ITFG2: variants seen among roughly 807,000 people sequenced by gnomAD.
ITFG2 encodes KICSTOR complex protein ITFG2.
A neutral mutation model predicts 54.4 loss-of-function variants in ITFG2; 36 were observed. The observed-to-expected ratio is 0.66, with a 90% CI of 0.51 to 0.87. The LOEUF is 0.87. Ranked by LOEUF, ITFG2 falls within the 40% of genes least tolerant of loss-of-function variation. The probability of loss-of-function intolerance (pLI) is 0.00; values close to 1 mark genes in which losing one functional copy is unlikely to be tolerated. For missense variants in ITFG2, 524 were observed against 576.7 expected, an observed-to-expected ratio of 0.91 and a Z score of 0.94; for synonymous variants, 211 against 225.4, an observed-to-expected ratio of 0.94 and a Z score of 0.57.
At chr12:2,859,663 C>T (rs758750879) in exon 4 of ITFG2, 2 of 1,600,504 alleles carry the variant, frequency 1.2e-6, no homozygotes, top group African/African-American at 2.7e-5. Flanking sequence ...GCTAGCAGCA[C>T]CTGAAAGGGA....
chr12:2,840,470 G>A (rs1365097983), intron 1 of ITFG2, among the ~76,000 whole-genome samples: 2 of 141,848 alleles, frequency 1.4e-5, no homozygotes, highest in African/African-American at 2.8e-5. Flanking sequence ...AAAAAAAAAA[G>A]GATTTAATTT....
At chr12:2,856,275 G>T (rs1257174985) in intron 2 of ITFG2, among the ~76,000 whole-genome samples, 1 of 152,146 alleles carries the variant, frequency 6.6e-6, no homozygotes, top group East Asian at 1.9e-4. Context: ...TACCATGCTG[G>T]GTGAAATGAA....
rs1437044211 is a variant in ITFG2 at position 2,824,410 on chromosome 12, C to G, written c.*217C>G. The G allele has an allele frequency of 1.6e-6, 1 of 617,102 alleles. No individual in the cohort carries two copies. 38.2% of individuals were successfully genotyped at this position (617,102 alleles called of 1,614,324 possible). ...GACAAGTTGACCCTCTGCCCATTTCCTTATGGACCTCACCCATCATGCCAG... is the reference window on the plus strand; with the variant it reads ...GACAAGTTGACCCTCTGCCCATTTCGTTATGGACCTCACCCATCATGCCAG... On this transcript the variant is annotated 3_prime_UTR_variant, in exon 12 of 12. Transcript: ENST00000228799.
rs777319705 is a variant in ITFG2 at position 2,821,228 on chromosome 12, T to G, written c.696-34T>G. ...GGGCTGGAGAGCTCAGCTCACTTGG[T>G]CTCCCGCTTGATCCGTCCACCTGCT... On this transcript the variant is annotated intron_variant, in intron 6 of 11. Coordinates refer to ENST00000228799, the MANE Select transcript of ITFG2 (RefSeq NM_018463.4). 2.3e-5 allele frequency: 36 copies of G among 1,535,168 alleles called. No individual in the cohort carries two copies. In the Admixed American group the frequency reaches 6.6e-4, roughly 28 times the overall value.
intron 2 of ITFG2, among the ~76,000 whole-genome samples, chr12:2,853,785 A>G (rs1241126350): frequency 1.3e-5 from 2 of 151,982 alleles, no homozygotes; most frequent in African/African-American, 4.8e-5. Flanking sequence ...GTGAGTTCCC[A>G]GGGTGGCCGG....
chr12:2,843,132 T>G (rs2098045408), intron 2 of ITFG2, among the ~76,000 whole-genome samples: 1 of 152,248 alleles, frequency 6.6e-6, no homozygotes, highest in Non-Finnish European at 1.5e-5. Context: ...GAATATTCTT[T>G]ATAGAATGGG....
chr12:2,842,115 T>G (rs1290692961), intron 2 of ITFG2, among the ~76,000 whole-genome samples: 1 of 119,668 alleles, frequency 8.4e-6, no homozygotes, highest in Non-Finnish European at 1.6e-5. Context: ...TAATTTCACT[T>G]GTTTCTTTTT....
chr12:2,858,716 G>A (rs756946538), intron 3 of ITFG2: 61 of 1,614,106 alleles, frequency 3.8e-5, no homozygotes, highest in Non-Finnish European at 4.6e-5. Context: ...CAGGAAAGCT[G>A]ATGTCCAGCA....
At chr12:2,827,464 T>C (rs12814675), downstream of ITFG2, 44,533 of 985,382 alleles carry the variant, frequency 0.045, 1,412 homozygotes, top group East Asian at 0.29. The surrounding 1 kb of genome is among the most constrained non-coding windows in gnomAD (Gnocchi z 4.0). Context: ...CCCAGTTCTC[T>C]TGATTTTTCA....
Position 2,849,976 on chromosome 12 carries a change from A to G in ITFG2, n.301-8036A>G, listed in dbSNP as rs1342580848. On this transcript the variant is annotated intron_variant and non_coding_transcript_variant, in intron 2 of 3. Coordinates refer to the ITFG2 transcript ENST00000537710. ...TTTGTTTCTTTTAACACAGCTGAAT[A>G]GTGGCCAGTTTTCTATGACTCAGCG... is the stretch of plus-strand genomic sequence containing the variant. Among the ~76,000 whole-genome samples the G allele has an allele frequency of 2.6e-5, 4 of 152,184 alleles. No homozygotes were observed. The East Asian group carries it at 7.7e-4, about 29-fold the overall frequency.
At chr12:2,855,585 G>A (rs2098084744) in intron 2 of ITFG2, 2 of 572,126 alleles carry the variant, frequency 3.5e-6, no homozygotes, top group Non-Finnish European at 2.8e-6. Context: ...GTCCTGGCAG[G>A]GCCGCATCTC....
Position 2,817,221 on chromosome 12 carries a change from A to G in ITFG2, c.97-2A>G. The G allele has an allele frequency of 6.2e-7, 1 of 1,606,178 alleles. No individual in the cohort carries two copies. The highest frequency in any genetic ancestry group is 8.5e-7 in the Non-Finnish European group (1 of 1,173,160). On this transcript the variant is annotated splice_acceptor_variant, in intron 1 of 11. Coordinates refer to ENST00000228799, the MANE Select transcript of ITFG2 (RefSeq NM_018463.4). LOFTEE classifies it high-confidence loss of function. ...AACGCTTTCTTCTCTCTCCATTTGA[A>G]GTTAAATGAACTGGTGGTGGGAGAC...
chr12:2,847,760 C>T (rs143563340), intron 2 of ITFG2, among the ~76,000 whole-genome samples: 6 of 151,914 alleles, frequency 3.9e-5, no homozygotes, highest in Admixed American at 1.3e-4. Flanking sequence ...TGTCTCTATA[C>T]GTTTGCCTAT....
chr12:2,853,584 TTG>T, intron 2 of ITFG2, among the ~76,000 whole-genome samples: 2 of 151,018 alleles, frequency 1.3e-5, no homozygotes, highest in East Asian at 2.0e-4. Flanking sequence ...GTTTTTTTTG[TTG>T]TTGTTGTTGT....
At position 2,821,696 on chromosome 12, in the gene ITFG2, A is replaced by G. The variant is rs1391169496; in HGVS notation, c.852A>G (p.Thr284=). The G allele has an allele frequency of 1.2e-6, 2 of 1,614,132 alleles. No individual in the cohort carries two copies. The highest frequency in any genetic ancestry group is 1.3e-5 in the African/African-American group (1 of 75,036). ...GLFALCTLDG[T]LKLMEEMEEA... ...AGCCTGCCTCTCCCCCGGCAGGGAC[A>G]CTGAAGCTCATGGAAGAAATGGAAG... The change falls in exon 9 of 12, where the codon ACA becomes ACG. Residue 284 remains threonine, a synonymous_variant. Coordinates refer to ENST00000228799, the MANE Select transcript of ITFG2 (RefSeq NM_018463.4).
chr12:2,836,407 G>C (rs1402358335), upstream of ITFG2, among the ~76,000 whole-genome samples: 1 of 152,174 alleles, frequency 6.6e-6, no homozygotes. Flanking sequence ...CCCCACCTGA[G>C]CCCTGCTCCC....
intron 1 of ITFG2, among the ~76,000 whole-genome samples, chr12:2,815,862 G>T (rs1271613803): frequency 4.6e-5 from 7 of 152,034 alleles, no homozygotes; most frequent in Non-Finnish European, 2.9e-5. Flanking sequence ...GGCCTCAAAA[G>T]ATTGTTTTGT....
Position 2,820,166 on chromosome 12 carries a change from G to C in ITFG2, c.487G>C (p.Gly163Arg). 1 of 1,613,944 alleles carries C rather than the reference G, an allele frequency of 6.2e-7. No homozygotes were observed. The highest frequency in any genetic ancestry group is 8.5e-7 in the Non-Finnish European group (1 of 1,179,938). Residue 163 changes from glycine (G) to arginine (R), a missense_variant, in exon 5 of 12, where the codon GGT becomes CGT. Gly to Arg is a moderately radical substitution (Grantham distance 125). Coordinates refer to ENST00000228799, the MANE Select transcript of ITFG2 (RefSeq NM_018463.4). Reference protein sequence around the residue: ...RAFRWEELGEGPEHLTGQLVS... With the variant: ...RAFRWEELGERPEHLTGQLVS... ...TTTCCGCTGGGAGGAGCTAGGTGAG[G>C]GTCCTGAACATCTGACAGGGCAGCT...
intron 2 of ITFG2, chr12:2,849,489 G>C: frequency 2.0e-6 from 3 of 1,536,140 alleles, no homozygotes; most frequent in Non-Finnish European, 1.7e-6. Flanking sequence ...GGAGGCCCTG[G>C]GGTTCAAACC....
Sources: gnomAD v4.1 joint callset for allele counts (sites outside exome capture counted in the v4.1 genomes callset) on GRCh38, gnomAD v4.1.1 for gene constraint, Gnocchi (gnomAD v3.1) non-coding constraint, MANE v1.5 for transcripts, NCBI Gene and HGNC (gene_info 2026-07-23, HGNC 2026-07-21) for gene names.